Variants in PTPRD observed in about 807,000 individuals in gnomAD.
The protein encoded by PTPRD is protein tyrosine phosphatase receptor type D, also known as receptor-type tyrosine-protein phosphatase delta.
In PTPRD, 34 loss-of-function variants were observed where a neutral mutation model predicts 214.5. The observed-to-expected ratio is 0.16, with a 90% confidence interval of 0.12 to 0.21. The LOEUF is 0.21. Among genes scored for constraint, PTPRD ranks in the 10% least tolerant of loss-of-function variants. The pLI is 1.00. For synonymous variants in PTPRD, 1,128 were observed against 845.7 expected (o/e 1.33, Z -5.79); for missense variants, 2,545 against 2,398.7 (o/e 1.06, Z -1.27).
At chr9:8,983,304 T>A (rs2099323022) in intron 11 of PTPRD, among the ~76,000 whole-genome samples, 2 of 152,042 alleles carry the variant, frequency 1.3e-5, no homozygotes, top group African/African-American at 4.8e-5. Flanking sequence ...CACTAGAAAT[T>A]ATATTAGATG....
chr9:9,032,943 C>A (rs538492318), intron 10 of PTPRD, among the ~76,000 whole-genome samples: 5 of 152,136 alleles, frequency 3.3e-5, no homozygotes, highest in African/African-American at 1.2e-4. Context: ...CCTCTCTGTA[C>A]GGGACTCTCA....
intron 11 of PTPRD, among the ~76,000 whole-genome samples, chr9:8,927,767 C>T (rs999048615): frequency 1.3e-5 from 2 of 152,080 alleles, no homozygotes; most frequent in African/African-American, 4.8e-5. Flanking sequence ...TTTCTAGATC[C>T]TTGAGGAATT....
intron 3 of PTPRD, among the ~76,000 whole-genome samples, chr9:10,071,667 A>T (rs1201422897): frequency 6.6e-6 from 1 of 152,094 alleles, no homozygotes; most frequent in Non-Finnish European, 1.5e-5. Flanking sequence ...TAAGTCTAAA[A>T]CTCTAAAAAT....
chr9:9,434,110 T>A (rs1331849497), intron 8 of PTPRD, among the ~76,000 whole-genome samples: 1 of 152,178 alleles, frequency 6.6e-6, no homozygotes, highest in East Asian at 1.9e-4. Flanking sequence ...TGGAATGTGA[T>A]CAACAAATGG....
intron 2 of PTPRD, among the ~76,000 whole-genome samples, chr9:10,374,982 G>A (rs2097699795): frequency 6.6e-6 from 1 of 151,932 alleles, no homozygotes; most frequent in African/African-American, 2.4e-5. Flanking sequence ...ATTGAACTAT[G>A]GAAACATAGA....
At chr9:8,877,203 G>A (rs1297857506) in intron 11 of PTPRD, among the ~76,000 whole-genome samples, 1 of 152,110 alleles carries the variant, frequency 6.6e-6, no homozygotes, top group Non-Finnish European at 1.5e-5. Flanking sequence ...GGGATTAAAG[G>A]CGTGAACCAC....
intron 10 of PTPRD, among the ~76,000 whole-genome samples, chr9:9,172,293 G>A (rs2099921945): frequency 6.6e-6 from 1 of 152,056 alleles, no homozygotes. Context: ...TCCTTTCAGT[G>A]GCAAAATGTA....
intron 8 of PTPRD, among the ~76,000 whole-genome samples, chr9:9,574,249 A>G (rs73388907): frequency 0.022 from 3,341 of 151,982 alleles, 104 homozygotes; most frequent in African/African-American, 0.068. Flanking sequence ...ATTGCCTTAG[A>G]AGTCACTTGT....
chr9:8,409,434 C>T (rs534123145), intron 35 of PTPRD, among the ~76,000 whole-genome samples: 16 of 152,218 alleles, frequency 1.1e-4, no homozygotes, highest in East Asian at 7.7e-4. Context: ...TGAAACACAA[C>T]GCACAGAAGG....
chr9:8,670,589 G>C (rs563222875), intron 12 of PTPRD, among the ~76,000 whole-genome samples: 8 of 152,238 alleles, frequency 5.3e-5, no homozygotes, highest in South Asian at 2.1e-4. Context: ...ATATCTATAA[G>C]TATCCCATAC....
intron 9 of PTPRD, among the ~76,000 whole-genome samples, chr9:9,248,441 A>G (rs1446448314): frequency 2.6e-5 from 4 of 152,004 alleles, no homozygotes; most frequent in Non-Finnish European, 5.9e-5. Context: ...AACATTTGTA[A>G]TTATCTTGGT....
At chr9:9,533,182 T>A (rs146979638) in intron 8 of PTPRD, among the ~76,000 whole-genome samples, 1 of 152,140 alleles carries the variant, frequency 6.6e-6, no homozygotes, top group Non-Finnish European at 1.5e-5. Flanking sequence ...ATATGTTTTC[T>A]TCATTTCTTT....
At chr9:9,923,132 G>GTGTGTGTA (rs1225164086) in intron 5 of PTPRD, among the ~76,000 whole-genome samples, 1 of 151,064 alleles carries the variant, frequency 6.6e-6, no homozygotes. Flanking sequence ...GGGTGTGTGT[G>GTGTGTGTA]TGTGTGTGTG....
intron 3 of PTPRD, among the ~76,000 whole-genome samples, chr9:10,151,490 T>C (rs1225380897): frequency 6.6e-6 from 1 of 151,998 alleles, no homozygotes; most frequent in Non-Finnish European, 1.5e-5. Context: ...CTCGAACTCC[T>C]GACCTGGTGA....
intron 12 of PTPRD, among the ~76,000 whole-genome samples, chr9:8,686,632 A>T (rs2097687022): frequency 6.6e-6 from 1 of 152,208 alleles, no homozygotes. Context: ...TGCAACTGGC[A>T]AAGCTAGGAT....
At chr9:9,009,240 G>T (rs2099497233) in intron 11 of PTPRD, among the ~76,000 whole-genome samples, 1 of 151,844 alleles carries the variant, frequency 6.6e-6, no homozygotes, top group African/African-American at 2.4e-5. Context: ...AAATTACCAG[G>T]AATATGATAT....
intron 7 of PTPRD, among the ~76,000 whole-genome samples, chr9:9,649,319 T>C (rs1455016364): frequency 6.6e-6 from 1 of 152,170 alleles, no homozygotes; most frequent in Non-Finnish European, 1.5e-5. Context: ...TCATACTACA[T>C]ATTACATTTT....
intron 21 of PTPRD, among the ~76,000 whole-genome samples, chr9:8,512,581 T>G (rs2097703312): frequency 6.6e-6 from 1 of 151,974 alleles, no homozygotes; most frequent in Admixed American, 6.6e-5. Flanking sequence ...TTTTAACACT[T>G]TTGCAATGCC....
chr9:10,196,036 G>C (rs1302508677), intron 3 of PTPRD, among the ~76,000 whole-genome samples: 3 of 152,108 alleles, frequency 2.0e-5, no homozygotes, highest in Admixed American at 2.0e-4. Context: ...AGGCAAGAAA[G>C]AACTCTACGG....
Sources: gnomAD v4.1 joint callset for allele counts (sites outside exome capture counted in the v4.1 genomes callset) on GRCh38, gnomAD v4.1.1 for gene constraint, MANE v1.5 for transcripts, NCBI Gene and HGNC (gene_info 2026-07-23, HGNC 2026-07-21) for gene names.